Variants in FAF1 observed in about 807,000 individuals in gnomAD.
The protein encoded by FAF1 is Fas associated factor 1, also known as FAS-associated factor 1.
In FAF1, 25 loss-of-function variants were observed where a neutral mutation model predicts 92.5. The ratio of observed to expected loss-of-function variants is 0.27; its 90% CI spans 0.20 to 0.38. FAF1 has a LOEUF of 0.38. Among genes scored for constraint, FAF1 ranks in the 10% least tolerant of loss-of-function variants. The pLI, the probability that FAF1 is intolerant of heterozygous loss-of-function variation, is 1.00. For missense variants in FAF1, 636 were observed against 793.3 expected (o/e 0.80, Z 2.38); for synonymous variants, 234 against 273.2 (o/e 0.86, Z 1.42).
chr1:50,583,599 T>C lies in FAF1; in HGVS notation c.1031+53A>G. On this transcript the variant is annotated intron_variant, in intron 11 of 18. Coordinates refer to ENST00000396153, the MANE Select transcript of FAF1 (RefSeq NM_007051.3). This position sits in a 1 kb window ranked among gnomAD's most constrained non-coding sequence, Gnocchi z 4.2. ...TATAATTAAAATTGCCCAAGAAAAA[T>C]CACAGTAGCATAAAACAGCATCAAA... The C allele has an allele frequency of 8.9e-7, 1 of 1,125,318 alleles. No individual in the cohort carries two copies. The highest frequency in any genetic ancestry group is 1.3e-6 in the Non-Finnish European group (1 of 798,874). The allele number at this position is 1,125,318 out of a possible 1,614,324, so 69.7% of individuals were successfully genotyped here. A position where few individuals can be genotyped will look rare whatever the true frequency, so the allele number is the denominator to read the frequency against.
At chr1:50,930,609 G>T (rs1645039863) in intron 1 of FAF1, among the ~76,000 whole-genome samples, 1 of 152,204 alleles carries the variant, frequency 6.6e-6, no homozygotes, top group African/African-American at 2.4e-5. Flanking sequence ...GCCAAGGCGG[G>T]TGGATCACGA....
intron 18 of FAF1, among the ~76,000 whole-genome samples, chr1:50,473,238 T>C (rs1646598647): frequency 6.6e-6 from 1 of 152,158 alleles, no homozygotes; most frequent in Non-Finnish European, 1.5e-5. Context: ...TGGAAAGAGG[T>C]TCTTAATAAT....
chr1:50,496,842 T>C (rs1646904844), intron 15 of FAF1, among the ~76,000 whole-genome samples: 1 of 151,244 alleles, frequency 6.6e-6, no homozygotes, highest in Non-Finnish European at 1.5e-5. Flanking sequence ...TGAGCTGAGA[T>C]TGCACCATTG....
At chr1:50,791,925 T>C (rs1461046529) in intron 3 of FAF1, among the ~76,000 whole-genome samples, 2 of 152,216 alleles carry the variant, frequency 1.3e-5, no homozygotes, top group African/African-American at 2.4e-5. Flanking sequence ...AAGAATTGGC[T>C]TGATTATGTG....
chr1:50,598,183 C>T (rs1651920968), intron 8 of FAF1, among the ~76,000 whole-genome samples: 1 of 152,040 alleles, frequency 6.6e-6, no homozygotes, highest in African/African-American at 2.4e-5. Context: ...GTAGTCCTTG[C>T]TACTTGGGTT....
chr1:50,876,417 A>G (rs1644571831), intron 1 of FAF1, among the ~76,000 whole-genome samples: 1 of 152,210 alleles, frequency 6.6e-6, no homozygotes, highest in Non-Finnish European at 1.5e-5. Flanking sequence ...GGCAATATAC[A>G]AGACGAACCT....
chr1:50,595,604 G>A (rs1448561687), intron 9 of FAF1, among the ~76,000 whole-genome samples: 7 of 151,858 alleles, frequency 4.6e-5, no homozygotes, highest in Middle Eastern at 3.5e-3. Context: ...GTGCAGTGGC[G>A]CGATCTCGGC....
At chr1:50,846,737 G>A (rs770715685) in intron 2 of FAF1, 75 of 674,972 alleles carry the variant, frequency 1.1e-4, no homozygotes, top group Non-Finnish European at 1.7e-4. Context: ...TGATTAGACC[G>A]AATATTGTCA....
At chr1:50,769,013 A>G (rs1263424718) in intron 4 of FAF1, among the ~76,000 whole-genome samples, 1 of 152,044 alleles carries the variant, frequency 6.6e-6, no homozygotes, top group Non-Finnish European at 1.5e-5. Flanking sequence ...AGTTCCTTGA[A>G]AGAATATGAC....
At chr1:50,754,233 T>C (rs1281611297) in intron 4 of FAF1, among the ~76,000 whole-genome samples, 1 of 152,248 alleles carries the variant, frequency 6.6e-6, no homozygotes, top group Non-Finnish European at 1.5e-5. Flanking sequence ...CCTATAAATA[T>C]TCCTGAGCTT....
chr1:50,927,153 C>T (rs944887775), intron 1 of FAF1, among the ~76,000 whole-genome samples: 3 of 152,066 alleles, frequency 2.0e-5, no homozygotes, highest in South Asian at 2.1e-4. Flanking sequence ...AAGATGAAAA[C>T]GTTCTAGAGA....
chr1:50,443,042 T>C lies in FAF1; in HGVS notation c.1870-1519A>G, dbSNP rs1310060803. On this transcript the variant is annotated intron_variant, in intron 18 of 18. Transcript: ENST00000396153. Reference sequence around the variant, plus strand: ...TTCCCCAATTAACGTACAATACTCATTGGCTTCTGTCAACAAACAGAGCTA... The same window carrying C: ...TTCCCCAATTAACGTACAATACTCACTGGCTTCTGTCAACAAACAGAGCTA... Among the ~76,000 whole-genome samples, 9 of 152,194 alleles carry C rather than the reference T, an allele frequency of 5.9e-5. No homozygotes were observed. In the South Asian group the frequency reaches 1.2e-3, roughly 21 times the overall value.
chr1:50,566,227 T>G (rs1650169205), intron 13 of FAF1, among the ~76,000 whole-genome samples: 1 of 152,070 alleles, frequency 6.6e-6, no homozygotes, highest in African/African-American at 2.4e-5. Flanking sequence ...GACCAAAAAT[T>G]CAGTGAGCCA....
chr1:50,552,390 C>A (rs145973798), intron 13 of FAF1, among the ~76,000 whole-genome samples: 3 of 151,952 alleles, frequency 2.0e-5, no homozygotes, highest in Non-Finnish European at 4.4e-5. Flanking sequence ...GAATTCCAAT[C>A]GTGGTCTGAA....
In FAF1 at chr1:50,747,873, C is replaced by T. The variant is rs908182582; in HGVS notation, c.368-3098G>A. On this transcript the variant is annotated intron_variant, in intron 4 of 18. Coordinates refer to ENST00000396153, the MANE Select transcript of FAF1 (RefSeq NM_007051.3). ...TGTTTAAAAGTGTGTGCCACCTCCC[C>T]TCTCTCTCTTCCTCCTGCGCTGGCA... is the stretch of plus-strand genomic sequence containing the variant. 5.3e-5 allele frequency among the ~76,000 whole-genome samples: 8 copies of T among 152,198 alleles called. 1 individual carries two copies. The highest frequency in any genetic ancestry group is 6.8e-3 in the Middle Eastern group (2 of 294).
At chr1:50,557,440 A>G (rs770906223) in intron 13 of FAF1, among the ~76,000 whole-genome samples, 2 of 152,366 alleles carry the variant, frequency 1.3e-5, no homozygotes, top group East Asian at 1.9e-4. Flanking sequence ...CACCCAATCT[A>G]TTCTTTAATA....
At chr1:50,449,636 T>G (rs927854719) in intron 18 of FAF1, among the ~76,000 whole-genome samples, 1 of 151,518 alleles carries the variant, frequency 6.6e-6, no homozygotes, top group African/African-American at 2.4e-5. Context: ...ACTACAGGCA[T>G]GCACCACCAT....
chr1:50,901,316 T>G (rs759323400), intron 1 of FAF1, among the ~76,000 whole-genome samples: 1 of 152,094 alleles, frequency 6.6e-6, no homozygotes, highest in Non-Finnish European at 1.5e-5. Flanking sequence ...GAATAAACAA[T>G]GAAAGATCAA....
intron 2 of FAF1, among the ~76,000 whole-genome samples, chr1:50,837,575 G>T (rs977054257): frequency 1.3e-5 from 2 of 152,006 alleles, no homozygotes; most frequent in Non-Finnish European, 2.9e-5. Context: ...AGAGTAAAAC[G>T]CTAGTCAAGT....
Sources: gnomAD v4.1 joint callset for allele counts (sites outside exome capture counted in the v4.1 genomes callset) on GRCh38, gnomAD v4.1.1 for gene constraint, Gnocchi (gnomAD v3.1) non-coding constraint, MANE v1.5 for transcripts, NCBI Gene and HGNC (gene_info 2026-07-23, HGNC 2026-07-21) for gene names.